ZBED4: variants seen among roughly 807,000 people sequenced by gnomAD.
ZBED4 encodes zinc finger BED-type containing 4.
In ZBED4, 4 loss-of-function variants were observed where a neutral mutation model predicts 15.5. The ratio of observed to expected loss-of-function variants is 0.26; its 90% confidence interval spans 0.13 to 0.59. The LOEUF (loss-of-function observed/expected upper bound fraction) is 0.59, where lower values mean the gene tolerates loss of function less well. Ranked by LOEUF, ZBED4 falls within the 20% of genes least tolerant of loss-of-function variation. ZBED4 has a pLI of 0.90. For synonymous variants in ZBED4, 692 were observed against 608.5 expected, an observed-to-expected ratio of 1.14 and a Z score of -2.02; for missense variants, 1,323 against 1,461.8, an observed-to-expected ratio of 0.91 and a Z score of 1.55.
At chr22:49,876,151 T>C (rs1446463682) in intron 1 of ZBED4, among the ~76,000 whole-genome samples, 3 of 152,230 alleles carry the variant, frequency 2.0e-5, no homozygotes, top group Non-Finnish European at 2.9e-5. Flanking sequence ...AACCATTCTT[T>C]GATTTTGGTT....
rs147439573 is a variant in ZBED4, at chr22:49,880,181, C to T, written c.-329-3153C>T. On this transcript the variant is annotated intron_variant, in intron 1 of 1. Coordinates refer to ENST00000216268, the MANE Select transcript of ZBED4 (RefSeq NM_014838.3). The stretch of plus-strand genomic sequence containing the variant: ...TCCTAACACGGCTTAAAAGAGCGGC[C>T]GTTGTTGTGAAGCCCACTGTTCAGT... Among the ~76,000 whole-genome samples, 7 of 152,166 alleles carry T rather than the reference C, an allele frequency of 4.6e-5. No homozygotes were observed. The South Asian group carries it at 8.3e-4, about 18-fold the overall frequency.
intron 1 of ZBED4, among the ~76,000 whole-genome samples, chr22:49,866,883 G>T (rs145660675): frequency 1.2e-3 from 176 of 152,324 alleles, no homozygotes; most frequent in African/African-American, 4.2e-3. Flanking sequence ...CTCTTGAACG[G>T]TGGCTCTCGG....
chr22:49,885,122 G>A lies in ZBED4; in HGVS notation c.1460G>A (p.Gly487Glu). ...CRYCGCAISR[G>E]KKGDVGTSCL... ...TACTGCGGCTGTGCCATCAGCCGGG[G>A]GAAGAAGGGTGATGTGGGCACCAGC... The change falls in exon 2 of 2, where the codon GGG becomes GAG. Residue 487 changes from glycine to glutamate, a missense_variant. Gly to Glu is a moderately conservative substitution (Grantham distance 98). This residue lies in a region of ZBED4 where 429 missense variants were observed against 397.9 expected (regional missense o/e 1.08). Coordinates refer to ENST00000216268, the MANE Select transcript of ZBED4 (RefSeq NM_014838.3). 6.2e-7 allele frequency: 1 copy of A among 1,614,214 alleles called. No homozygotes were observed. The highest frequency in any genetic ancestry group is 8.5e-7 in the Non-Finnish European group (1 of 1,180,026).
Position 49,887,022 on chromosome 22 carries a change from A to G in ZBED4, c.3360A>G (p.Arg1120=). 1 of 1,614,114 alleles carries G rather than the reference A, an allele frequency of 6.2e-7. No individual in the cohort carries two copies. The highest frequency in any genetic ancestry group is 8.5e-7 in the Non-Finnish European group (1 of 1,180,038). Residue 1120 remains arginine (R), a synonymous_variant, in exon 2 of 2, where the codon AGA becomes AGG. Transcript: ENST00000216268. ...CGGGGCTGTCCGCGCTGGCCGTCAG[A>G]TTTTTGGGCTGCCCCCCAAGCATCG... The part of the protein sequence containing the change: ...SWPGLSALAV[R]FLGCPPSIVP...
intron 1 of ZBED4, among the ~76,000 whole-genome samples, chr22:49,882,349 C>T (rs569492131): frequency 3.9e-5 from 6 of 152,262 alleles, no homozygotes; most frequent in East Asian, 1.9e-4. Context: ...CCTGGGAAGT[C>T]GAGGCTTCAC....
At chr22:49,864,610 A>G (rs1164309994) in intron 1 of ZBED4, among the ~76,000 whole-genome samples, 1 of 152,080 alleles carries the variant, frequency 6.6e-6, no homozygotes, top group Non-Finnish European at 1.5e-5. Flanking sequence ...TGAGCCTGGG[A>G]GTTTGAGACC....
chr22:49,867,480 C>T (rs1408146016), intron 1 of ZBED4, among the ~76,000 whole-genome samples: 1 of 152,200 alleles, frequency 6.6e-6, no homozygotes. Context: ...TTCTGGGTGG[C>T]CTGGTAGGCC....
intron 1 of ZBED4, among the ~76,000 whole-genome samples, chr22:49,854,435 C>G (rs2060266192): frequency 1.3e-5 from 2 of 152,182 alleles, no homozygotes; most frequent in South Asian, 4.1e-4. Context: ...CACCTGGGCC[C>G]TGCTTCATGT....
intron 1 of ZBED4, among the ~76,000 whole-genome samples, chr22:49,875,037 C>T (rs1362571933): frequency 3.9e-5 from 6 of 152,028 alleles, no homozygotes; most frequent in Non-Finnish European, 5.9e-5. Flanking sequence ...TGAATCATGA[C>T]GTATTATCTT....
chr22:49,853,852 C>G lies in ZBED4; in HGVS notation c.-467C>G, dbSNP rs1330243577. 5 of 143,854 alleles carry G rather than the reference C, an allele frequency of 3.5e-5. No homozygotes were observed. The highest frequency in any genetic ancestry group is 7.4e-5 in the African/African-American group (3 of 40,270). The allele number at this position is 143,854 out of a possible 1,614,324, so 8.9% of individuals were successfully genotyped here. On this transcript the variant is annotated 5_prime_UTR_variant, in exon 1 of 2. Transcript: ENST00000216268. Reference sequence around the variant, plus strand: ...GGGGCCCTGGGAGGGGCGCAGCGTCCGGCGGCGTCGCGGGCGGCGGGCGGC... The same window carrying G: ...GGGGCCCTGGGAGGGGCGCAGCGTCGGGCGGCGTCGCGGGCGGCGGGCGGC...
chr22:49,854,293 C>T (rs1309175508), intron 1 of ZBED4, among the ~76,000 whole-genome samples: 1 of 150,846 alleles, frequency 6.6e-6, no homozygotes, highest in Non-Finnish European at 1.5e-5. Flanking sequence ...GCGGACGGGA[C>T]GGGGCTCGGG....
At position 49,883,834 on chromosome 22, in the gene ZBED4, C is replaced by T. The variant is rs1333906033; in HGVS notation, c.172C>T (p.Arg58Ter). 3.7e-6 allele frequency: 6 copies of T among 1,610,478 alleles called. No homozygotes were observed. Among genetic ancestry groups the T allele is most frequent in the South Asian group, 2.2e-5 (2 of 90,954 alleles). Residue 58 changes from arginine (R) to a stop codon, truncating the protein, a stop_gained, in exon 2 of 2, where the codon CGA becomes TGA. Transcript: ENST00000216268. LOFTEE classifies it low-confidence loss of function (END_TRUNC). ...DMKQTDSGGERAGLGGTGCSC... is the reference protein window; with the variant it reads ...DMKQTDSGGE ...GAAGCAGACAGACAGCGGTGGGGAGCGAGCGGGCCTCGGTGGGACGGGTTG... is the reference window on the plus strand; with the variant it reads ...GAAGCAGACAGACAGCGGTGGGGAGTGAGCGGGCCTCGGTGGGACGGGTTG...
rs553065644 is a variant in ZBED4 at position 49,867,156 on chromosome 22, C to T, written c.-330+13167C>T. On this transcript the variant is annotated intron_variant, in intron 1 of 1. Coordinates refer to ENST00000216268, the MANE Select transcript of ZBED4 (RefSeq NM_014838.3). ...CCAGTTTACCTCACGGTTTGTTTTT[C>T]ACCCGTGAGTTATTTAGAATTGTAT... Among the ~76,000 whole-genome samples the T allele has an allele frequency of 1.2e-4, 18 of 152,336 alleles. 1 individual carries two copies. In the South Asian group the frequency reaches 3.7e-3, roughly 32 times the overall value.
intron 1 of ZBED4, among the ~76,000 whole-genome samples, chr22:49,876,667 C>T (rs975235931): frequency 2.0e-5 from 3 of 152,078 alleles, no homozygotes; most frequent in Non-Finnish European, 4.4e-5. Flanking sequence ...AGAATACTCA[C>T]CGGCAGTGCT....
At position 49,886,518 on chromosome 22, in the gene ZBED4, C is replaced by A. The variant is rs774127180; in HGVS notation, c.2856C>A (p.Ser952=). 1 of 1,568,580 alleles carries A rather than the reference C, an allele frequency of 6.4e-7. No individual in the cohort carries two copies. The highest frequency in any genetic ancestry group is 1.3e-5 in the African/African-American group (1 of 74,118). The part of the protein sequence containing the change: ...AASREMSTQM[S]TLSQVIPMVH... ...GCCGGGAGATGAGCACGCAGATGTC[C>A]ACCCTCAGCCAGGTCATCCCCATGG... is the stretch of plus-strand genomic sequence containing the variant. Residue 952 remains serine, a synonymous_variant, in exon 2 of 2, where the codon TCC becomes TCA. Transcript: ENST00000216268. This position sits in a 1 kb window ranked among gnomAD's most constrained non-coding sequence, Gnocchi z 7.7.
chr22:49,865,654 GAC>G (rs912952068), intron 1 of ZBED4, among the ~76,000 whole-genome samples: 1 of 152,004 alleles, frequency 6.6e-6, no homozygotes, highest in African/African-American at 2.4e-5. Flanking sequence ...CAGTCTGGGC[GAC>G]AGAGTGGACA....
At chr22:49,867,957 A>G (rs1416993694) in intron 1 of ZBED4, among the ~76,000 whole-genome samples, 2 of 152,194 alleles carry the variant, frequency 1.3e-5, no homozygotes, top group African/African-American at 4.8e-5. Context: ...TATCTCATGT[A>G]AGAGTGTCAC....
Position 49,860,277 on chromosome 22 carries a change from C to T in ZBED4, c.-330+6288C>T, listed in dbSNP as rs575142717. Among the ~76,000 whole-genome samples the T allele has an allele frequency of 1.1e-3, 165 of 152,194 alleles. 2 individuals carry two copies. The highest frequency in any genetic ancestry group is 2.0e-3 in the Non-Finnish European group (139 of 68,008). On this transcript the variant is annotated intron_variant, in intron 1 of 1. Coordinates refer to ENST00000216268, the MANE Select transcript of ZBED4 (RefSeq NM_014838.3). ...TGACGTCACTGCACTGCTGCCTGGG[C>T]GACAGAGTGAGACCCTGTATCAAAA... is the stretch of plus-strand genomic sequence containing the variant.
At position 49,872,564 on chromosome 22, in the gene ZBED4, C is replaced by G. The variant is rs116284273; in HGVS notation, c.-329-10770C>G. Among the ~76,000 whole-genome samples the G allele has an allele frequency of 8.1e-3, 1,239 of 152,312 alleles. 20 individuals carry two copies. Among genetic ancestry groups the G allele is most frequent in the African/African-American group, 0.029 (1,202 of 41,554 alleles). On this transcript the variant is annotated intron_variant, in intron 1 of 1. Coordinates refer to ENST00000216268, the MANE Select transcript of ZBED4 (RefSeq NM_014838.3). ...TTGTTTTTAGAGATATGGTCTTGCT[C>G]TGTCACCAAGGCTAAAGTGCAGTGT... is the stretch of plus-strand genomic sequence containing the variant.
Sources: gnomAD v4.1 joint callset for allele counts (sites outside exome capture counted in the v4.1 genomes callset) on GRCh38, gnomAD v4.1.1 for gene constraint, gnomAD v4.1.1 regional missense constraint, Gnocchi (gnomAD v3.1) non-coding constraint, MANE v1.5 for transcripts, NCBI Gene and HGNC (gene_info 2026-07-23, HGNC 2026-07-21) for gene names.